The following PCDHA1 variants were observed in gnomAD, a reference collection of about 807,000 sequenced individuals.
PCDHA1 encodes the protein protocadherin alpha-1.
A neutral mutation model predicts 61.3 loss-of-function variants in PCDHA1; 42 were observed. The observed-to-expected ratio is 0.69, with a 90% CI of 0.54 to 0.89. The LOEUF is 0.89. Among genes scored for constraint, PCDHA1 ranks in the 40% least tolerant of loss-of-function variants. The pLI, the probability that PCDHA1 is intolerant of heterozygous loss-of-function variation, is 0.00. For missense variants in PCDHA1, 1,256 were observed against 1,235.3 expected, an observed-to-expected ratio of 1.02 and a Z score of -0.25; for synonymous variants, 610 against 553.8, an observed-to-expected ratio of 1.10 and a Z score of -1.43.
intron 1 of PCDHA1, among the ~76,000 whole-genome samples, chr5:140,800,755 T>C (rs1554121210): frequency 6.6e-6 from 1 of 152,244 alleles, no homozygotes; most frequent in Non-Finnish European, 1.5e-5. Flanking sequence ...GGCTGTCACA[T>C]GGGAAATATT....
At chr5:140,959,719 A>G (rs986383146) in intron 1 of PCDHA1, among the ~76,000 whole-genome samples, 4 of 152,366 alleles carry the variant, frequency 2.6e-5, no homozygotes, top group African/African-American at 9.6e-5. Context: ...AAATTTTTAG[A>G]TAACATTATC....
At chr5:140,803,371 C>T (rs781949159) in intron 1 of PCDHA1, 1 of 1,614,202 alleles carries the variant, frequency 6.2e-7, no homozygotes, top group Non-Finnish European at 8.5e-7. Context: ...CGGTGCTCCG[C>T]GCCGCCAACC....
intron 3 of PCDHA1, among the ~76,000 whole-genome samples, chr5:141,002,467 G>A (rs1266754067): frequency 6.6e-6 from 1 of 152,202 alleles, no homozygotes; most frequent in African/African-American, 2.4e-5. Context: ...TAACGCTTTA[G>A]CATTTTCAAA....
At chr5:140,822,871 A>G (rs1767455732) in intron 1 of PCDHA1, 1 of 1,614,204 alleles carries the variant, frequency 6.2e-7, no homozygotes, top group Non-Finnish European at 8.5e-7. Context: ...TCCACTCAGC[A>G]CGGTCATTGC....
chr5:140,891,920 C>G (rs1396526194), intron 1 of PCDHA1, among the ~76,000 whole-genome samples: 10 of 152,206 alleles, frequency 6.6e-5, no homozygotes, highest in Non-Finnish European at 8.8e-5. Flanking sequence ...GATGCTGGTG[C>G]CTTGATCTTG....
At chr5:140,803,450 G>T (rs781829474) in intron 1 of PCDHA1, 8 of 1,613,972 alleles carry the variant, frequency 5.0e-6, no homozygotes, top group South Asian at 3.3e-5. Context: ...GGTCATACTC[G>T]CAGCAGAGGC....
Position 140,855,527 on chromosome 5 carries a change from G to C in PCDHA1, c.2394+66843G>C, listed in dbSNP as rs1017117704. ...TTAAATCTCAAAATAATGAGAAAGA[G>C]AAGTAAGTTAAGTGTCAGAACTTAA... On this transcript the variant is annotated intron_variant, in intron 1 of 3. Coordinates refer to ENST00000504120, the MANE Select transcript of PCDHA1 (RefSeq NM_018900.4). 1.3e-5 allele frequency among the ~76,000 whole-genome samples: 2 copies of C among 149,890 alleles called. 1 individual carries two copies. The highest frequency in any genetic ancestry group is 4.9e-5 in the African/African-American group (2 of 40,842).
At chr5:140,870,483 C>A (rs782740203) in intron 1 of PCDHA1, 13 of 1,614,122 alleles carry the variant, frequency 8.1e-6, no homozygotes, top group East Asian at 2.2e-5. Context: ...CCGAGTACAC[C>A]GTGTTCGTGA....
Position 140,926,923 on chromosome 5 carries a change from T to C in PCDHA1, c.2395-52026T>C, listed in dbSNP as rs532425369. On this transcript the variant is annotated intron_variant, in intron 1 of 3. Transcript: ENST00000504120. ...GGGCTGTGGGGTGGCAGTTTTATGT[T>C]TGTGGGTTTCCTGCGGCGCTGCAGC... 35 of 1,571,554 alleles carry C rather than the reference T, an allele frequency of 2.2e-5. No homozygotes were observed. The East Asian group carries it at 6.5e-4, about 29-fold the overall frequency.
rs2150372271 is a variant in PCDHA1, at chr5:140,844,591, T to C, written c.2394+55907T>C. ...TAATATTCCACATTAAAGTGATATT[T>C]AATATATGACTTAGAAAAATGTTTT... On this transcript the variant is annotated intron_variant, in intron 1 of 3. Transcript: ENST00000504120. Among the ~76,000 whole-genome samples the C allele has an allele frequency of 8.0e-5, 12 of 149,484 alleles. 2 individuals carry two copies. Among genetic ancestry groups the C allele is most frequent in the Non-Finnish European group, 1.6e-4 (11 of 66,840 alleles).
At chr5:140,962,084 A>G (rs541325949) in intron 1 of PCDHA1, among the ~76,000 whole-genome samples, 1 of 152,028 alleles carries the variant, frequency 6.6e-6, no homozygotes, top group African/African-American at 2.4e-5. Flanking sequence ...ACGGGGTTTC[A>G]CCATGTTAGC....
intron 1 of PCDHA1, among the ~76,000 whole-genome samples, chr5:140,946,700 G>T (rs2094011625): frequency 6.7e-6 from 1 of 148,322 alleles, no homozygotes; most frequent in African/African-American, 2.5e-5. Flanking sequence ...GGATGAATCT[G>T]GAGGTCATTA....
At chr5:140,823,090 A>T in intron 1 of PCDHA1, 1 of 1,614,038 alleles carries the variant, frequency 6.2e-7, no homozygotes, top group Non-Finnish European at 8.5e-7. Context: ...GGCCACCGCC[A>T]GCGTGTCTGT....
intron 1 of PCDHA1, among the ~76,000 whole-genome samples, chr5:140,800,565 T>A (rs1332070290): frequency 2.0e-5 from 3 of 152,018 alleles, no homozygotes; most frequent in African/African-American, 7.2e-5. Flanking sequence ...AAAATGTAAC[T>A]TGGGTGGTAA....
At position 140,853,857 on chromosome 5, in the gene PCDHA1, A is replaced by C. The variant is rs2042888129; in HGVS notation, c.2394+65173A>C. ...AATTTTAGATCCATAGCCCTATTTG[A>C]TACTTGACAGTGCAAGTTTCTGTAA... On this transcript the variant is annotated intron_variant, in intron 1 of 3. Transcript: ENST00000504120. 6.1e-6 allele frequency: 6 copies of C among 985,610 alleles called. 1 individual carries two copies. The highest frequency in any genetic ancestry group is 7.3e-6 in the Non-Finnish European group (6 of 817,684). 61.1% of individuals were successfully genotyped at this position (985,610 alleles called of 1,614,324 possible).
intron 1 of PCDHA1, chr5:140,851,028 C>G: frequency 7.1e-7 from 1 of 1,410,134 alleles, no homozygotes. Flanking sequence ...AAAGTAAACC[C>G]CTTAACATTG....
chr5:140,843,244 C>T, intron 1 of PCDHA1: 1 of 1,596,022 alleles, frequency 6.3e-7, no homozygotes, highest in Non-Finnish European at 8.6e-7. Context: ...ACGAAGCGGA[C>T]TCTCCGCGCC....
intron 1 of PCDHA1, among the ~76,000 whole-genome samples, chr5:140,879,372 G>T (rs1434937494): frequency 1.3e-5 from 2 of 152,172 alleles, no homozygotes; most frequent in African/African-American, 4.8e-5. Context: ...CCAACCTGCA[G>T]AACAAGGTTG....
chr5:140,879,869 T>C lies in PCDHA1; in HGVS notation c.2394+91185T>C, dbSNP rs782705975. Among the ~76,000 whole-genome samples, 13 of 152,220 alleles carry C rather than the reference T, an allele frequency of 8.5e-5. 1 individual carries two copies. The highest frequency in any genetic ancestry group is 1.5e-4 in the Non-Finnish European group (10 of 68,042). ...CCCATCTCAGCCTTCTCAGCTTTCA[T>C]GGTCACATTGCCTCCTCCTCTCCAT... On this transcript the variant is annotated intron_variant, in intron 1 of 3. Coordinates refer to ENST00000504120, the MANE Select transcript of PCDHA1 (RefSeq NM_018900.4).
Sources: gnomAD v4.1 joint callset for allele counts (sites outside exome capture counted in the v4.1 genomes callset) on GRCh38, gnomAD v4.1.1 for gene constraint, MANE v1.5 for transcripts, NCBI Gene and HGNC (gene_info 2026-07-23, HGNC 2026-07-21) for gene names.